The following TRIM66 variants were observed in gnomAD, a reference collection of about 807,000 sequenced individuals.
TRIM66 encodes the protein tripartite motif-containing protein 66.
A neutral mutation model predicts 148.2 loss-of-function variants in TRIM66; 99 were observed. The ratio of observed to expected loss-of-function variants is 0.67; its 90% CI spans 0.57 to 0.79. The LOEUF is 0.79. Ranked by LOEUF, TRIM66 falls within the 30% of genes least tolerant of loss-of-function variation. The pLI is 0.00. For missense variants in TRIM66, 1,666 were observed against 1,697.9 expected (o/e 0.98, Z 0.33); for synonymous variants, 616 against 635.9 (o/e 0.97, Z 0.47).
Position 8,640,854 on chromosome 11 carries a change from C to G in TRIM66, c.1521G>C (p.Gln507His). The change falls in exon 14 of 25, where the codon CAG (glutamine) becomes CAC (histidine). Residue 507 changes from glutamine to histidine, a missense_variant. Around this residue, in one of 3 missense-constraint regions of TRIM66, gnomAD observed 1,431 missense variants for 1,412.4 expected, o/e 1.01. Transcript: ENST00000646038. ...TCTCCCTGGGCAGCAGGGCAGAGCACTGCAGAGACCCCAGCTGCTGGGGCA... is the reference window on the plus strand; with the variant it reads ...TCTCCCTGGGCAGCAGGGCAGAGCAGTGCAGAGACCCCAGCTGCTGGGGCA... ...EMVPQQLGSL[Q>H]CSALLPREKE... 2 of 1,550,392 alleles carry G rather than the reference C, an allele frequency of 1.3e-6. No individual in the cohort carries two copies. Among genetic ancestry groups the G allele is most frequent in the South Asian group, 2.4e-5 (2 of 83,994 alleles).
rs114839797 is a variant in TRIM66, at chr11:8,657,085, C to A, written c.341-5182G>T. 3.8e-3 allele frequency among the ~76,000 whole-genome samples: 584 copies of A among 152,326 alleles called. 7 individuals are homozygous for A. The highest frequency in any genetic ancestry group is 0.014 in the African/African-American group (563 of 41,574). On this transcript the variant is annotated intron_variant, in intron 6 of 24. Transcript: ENST00000646038. ...AGGCAGCAAGGAAGTGGGGCCCACA[C>A]ATGTCTGTTTCAGACATGAACAGCA...
At chr11:8,622,790 A>G in intron 18 of TRIM66, 26 bp downstream of exon 18, 1 of 1,547,120 alleles carries the variant, frequency 6.5e-7, no homozygotes, top group Non-Finnish European at 8.8e-7. Flanking sequence ...CATGGGTGGG[A>G]GGGAGATTAG....
intron 8 of TRIM66, among the ~76,000 whole-genome samples, chr11:8,649,509 T>C (rs933706774): frequency 2.0e-5 from 3 of 152,050 alleles, no homozygotes; most frequent in Admixed American, 1.3e-4. Context: ...TTCAACACTT[T>C]CCTCTCTATA....
chr11:8,621,404 T>G (rs916673861), intron 19 of TRIM66, 83 bp from the exon 20 acceptor site: 4 of 1,457,610 alleles, frequency 2.7e-6, no homozygotes, highest in African/African-American at 1.4e-5. Context: ...TGGCAGGCCC[T>G]GCATGCCTAC....
At position 8,613,262 on chromosome 11, in the gene TRIM66, G is replaced by A. The variant is rs1292010546; in HGVS notation, c.*4682C>T. 6.6e-6 allele frequency: 1 copy of A among 152,124 alleles called. No homozygotes were observed. Among genetic ancestry groups the A allele is most frequent in the African/African-American group, 2.4e-5 (1 of 41,412 alleles). 9.4% of individuals were successfully genotyped at this position (152,124 alleles called of 1,614,324 possible). On this transcript the variant is annotated 3_prime_UTR_variant, in exon 25 of 25. Transcript: ENST00000646038. Reference sequence around the variant, plus strand: ...CTGTGTGGGCTGAGAGGTAAGAGGAGAGAATCCAGAGACTTGTTTTTCTGG... The same window carrying A: ...CTGTGTGGGCTGAGAGGTAAGAGGAAAGAATCCAGAGACTTGTTTTTCTGG...
At chr11:8,683,110 T>A, upstream of TRIM66, 1 of 1,345,096 alleles carries the variant, frequency 7.4e-7, no homozygotes, top group Non-Finnish European at 1.1e-6. Flanking sequence ...GTTAGGTCTT[T>A]GACCCACAGG....
intron 8 of TRIM66, among the ~76,000 whole-genome samples, chr11:8,649,507 T>C (rs142413611): frequency 1.3e-5 from 2 of 152,240 alleles, no homozygotes; most frequent in East Asian, 3.9e-4. Flanking sequence ...AATTCAACAC[T>C]TTCCTCTCTA....
chr11:8,658,870 T>A, intron 6 of TRIM66: 13 of 919,000 alleles, frequency 1.4e-5, no homozygotes, highest in Non-Finnish European at 1.7e-5. Context: ...CCACTTCACC[T>A]GAAGTCCTTA....
At chr11:8,650,872 C>T (rs536461365) in intron 7 of TRIM66, among the ~76,000 whole-genome samples, 5 of 152,108 alleles carry the variant, frequency 3.3e-5, no homozygotes, top group Non-Finnish European at 5.9e-5. Flanking sequence ...GAGGAGAAAG[C>T]CCACATATGG....
chr11:8,642,980 T>C (rs1284156017), intron 13 of TRIM66, 29 bp downstream of exon 13: 1 of 1,502,878 alleles, frequency 6.7e-7, no homozygotes, highest in South Asian at 1.3e-5. Context: ...ACAGGGTGGG[T>C]AGGCCTGGGT....
chr11:8,648,031 TCACAC>T lies in TRIM66; in HGVS notation c.776_780del (p.Gly259AspfsTer7). On this transcript the variant is annotated frameshift_variant, in exon 10 of 25. Coordinates refer to ENST00000646038, the MANE Select transcript of TRIM66 (RefSeq NM_001388022.1). LOFTEE classifies it high-confidence loss of function. ...GATTTCTTATGTGCCACCTGTGTAG[TCACAC>T]CTTCCAGAAGCATCCTCTGGTTTTG... 1 of 1,551,764 alleles carries T rather than the reference TCACAC, an allele frequency of 6.4e-7. No individual in the cohort carries two copies. The highest frequency in any genetic ancestry group is 1.2e-5 in the South Asian group (1 of 84,066).
chr11:8,646,884 A>C (rs1793434293), intron 10 of TRIM66, among the ~76,000 whole-genome samples: 1 of 150,648 alleles, frequency 6.6e-6, no homozygotes, highest in Non-Finnish European at 1.5e-5. Flanking sequence ...TGTTGTGTTT[A>C]AAAGGAGGAT....
Position 8,638,764 on chromosome 11 carries a change from C to A in TRIM66, c.2200G>T (p.Asp734Tyr), listed in dbSNP as rs933618628. ...GGCAAGGCAGCAGCAGTATTCTTGT[C>A]AAGAGGGAGAGCCGGCTTTGAGCCC... ...SQGSKPALPL[D>Y]KNTAAALPQA... The change falls in exon 15 of 25, where the codon GAC (aspartate) becomes TAC (tyrosine). Residue 734 changes from aspartate to tyrosine, a missense_variant. Physicochemically the swap from Asp to Tyr is radical, Grantham distance 160 (BLOSUM62 -3). Coordinates refer to ENST00000646038, the MANE Select transcript of TRIM66 (RefSeq NM_001388022.1). 2.6e-6 allele frequency: 4 copies of A among 1,551,126 alleles called. No individual in the cohort carries two copies. Among genetic ancestry groups the A allele is most frequent in the Admixed American group, 2.0e-5 (1 of 50,912 alleles).
upstream of TRIM66, chr11:8,682,979 C>T (rs756295878): frequency 8.8e-6 from 9 of 1,021,852 alleles, no homozygotes; most frequent in Non-Finnish European, 2.9e-6. Context: ...GCGGGGCTCC[C>T]GGAGCCGTGT....
chr11:8,669,999 CTT>C (rs1592202071), intron 6 of TRIM66, among the ~76,000 whole-genome samples: 1 of 146,912 alleles, frequency 6.8e-6, no homozygotes, highest in East Asian at 2.1e-4. Context: ...TTTGTTTTGT[CTT>C]GTTTTGTTTT....
At chr11:8,667,161 C>T (rs1171451394) in intron 6 of TRIM66, among the ~76,000 whole-genome samples, 2 of 152,154 alleles carry the variant, frequency 1.3e-5, no homozygotes, top group Non-Finnish European at 1.5e-5. Flanking sequence ...GAGTCAAACA[C>T]AGCCTTGACA....
chr11:8,665,826 G>A (rs1592189840), intron 6 of TRIM66, among the ~76,000 whole-genome samples: 2 of 152,124 alleles, frequency 1.3e-5, no homozygotes, highest in South Asian at 2.1e-4. Context: ...GTGGGCGCCT[G>A]TAGTCCCAGC....
chr11:8,677,714 A>T (rs1293497919), intron 3 of TRIM66, among the ~76,000 whole-genome samples: 2 of 152,186 alleles, frequency 1.3e-5, no homozygotes, highest in African/African-American at 4.8e-5. Context: ...CCAAATATGT[A>T]ACTCCTTTTT....
chr11:8,677,676 A>G (rs1478180402), intron 3 of TRIM66, among the ~76,000 whole-genome samples: 2 of 152,144 alleles, frequency 1.3e-5, no homozygotes, highest in Non-Finnish European at 2.9e-5. Context: ...CTTTCCATTA[A>G]TTTTATCCTC....
Sources: allele counts gnomAD v4.1 joint callset (sites outside exome capture counted in the v4.1 genomes callset), GRCh38; gene constraint gnomAD v4.1.1; regional missense constraint gnomAD v4.1.1; transcripts MANE v1.5; gene names NCBI Gene and HGNC (gene_info 2026-07-23, HGNC 2026-07-21).